Variants in MYT1L observed in about 807,000 individuals in gnomAD.
The protein encoded by MYT1L is myelin transcription factor 1 like.
A neutral mutation model predicts 126.7 loss-of-function variants in MYT1L; 12 were observed. The ratio of observed to expected loss-of-function variants is 0.09; its 90% CI spans 0.06 to 0.15. MYT1L has a LOEUF of 0.15. Among genes scored for constraint, MYT1L ranks in the 10% least tolerant of loss-of-function variants. The pLI, the probability that MYT1L is intolerant of heterozygous loss-of-function variation, is 1.00. For synonymous variants in MYT1L, 541 were observed against 604.2 expected (o/e 0.90, Z 1.53); for missense variants, 979 against 1,585.2 (o/e 0.62, Z 6.49).
chr2:2,079,307 A>G (rs977632112), intron 3 of MYT1L, among the ~76,000 whole-genome samples: 1 of 152,244 alleles, frequency 6.6e-6, no homozygotes, highest in Non-Finnish European at 1.5e-5. Context: ...CAAGACATGT[A>G]TACTAAAAGC....
chr2:2,222,064 AT>A (rs958743948), intron 2 of MYT1L, among the ~76,000 whole-genome samples: 1 of 152,142 alleles, frequency 6.6e-6, no homozygotes. Flanking sequence ...TGGTAAATCC[AT>A]TTTTCTACAC....
intron 18 of MYT1L, among the ~76,000 whole-genome samples, chr2:1,854,106 C>T (rs2043615786): frequency 6.6e-6 from 1 of 151,818 alleles, no homozygotes; most frequent in Admixed American, 6.6e-5. Context: ...CCAAAGAACA[C>T]TGGATTAATA....
chr2:2,293,948 G>T (rs2095636069), intron 1 of MYT1L, among the ~76,000 whole-genome samples: 1 of 152,208 alleles, frequency 6.6e-6, no homozygotes, highest in Non-Finnish European at 1.5e-5. Context: ...GCCATGGGAA[G>T]GCAACGGCCA....
At chr2:2,277,475 G>C (rs1438338186) in intron 2 of MYT1L, among the ~76,000 whole-genome samples, 2 of 152,328 alleles carry the variant, frequency 1.3e-5, no homozygotes, top group Middle Eastern at 3.4e-3. Context: ...CTGCACACAG[G>C]TGCATCATGG....
chr2:2,130,309 A>G (rs555946271), intron 3 of MYT1L, among the ~76,000 whole-genome samples: 12 of 152,088 alleles, frequency 7.9e-5, no homozygotes, highest in African/African-American at 2.9e-4. Flanking sequence ...AACTCCAAAG[A>G]TTGATCACAT....
intron 3 of MYT1L, among the ~76,000 whole-genome samples, chr2:2,145,792 T>C (rs2084795121): frequency 1.3e-5 from 2 of 152,162 alleles, no homozygotes; most frequent in African/African-American, 2.4e-5. Flanking sequence ...TTTTGACAAA[T>C]ATATGTTAAT....
At chr2:2,132,095 A>C (rs2082441225) in intron 3 of MYT1L, among the ~76,000 whole-genome samples, 1 of 151,356 alleles carries the variant, frequency 6.6e-6, no homozygotes, top group Non-Finnish European at 1.5e-5. Context: ...TCTAGTAGAG[A>C]TGGGGGTTTC....
chr2:2,160,088 TGGA>T (rs1361434761), intron 3 of MYT1L, among the ~76,000 whole-genome samples: 1 of 152,100 alleles, frequency 6.6e-6, no homozygotes, highest in Non-Finnish European at 1.5e-5. Flanking sequence ...TCATGGGGTG[TGGA>T]GAAGTTTAAC....
intron 9 of MYT1L, among the ~76,000 whole-genome samples, chr2:1,934,515 T>C (rs1390876916): frequency 1.3e-5 from 2 of 151,874 alleles, no homozygotes; most frequent in Non-Finnish European, 2.9e-5. Context: ...TTTTATTTGA[T>C]GACATTTTAG....
intron 18 of MYT1L, among the ~76,000 whole-genome samples, chr2:1,881,654 C>T (rs900198997): frequency 5.9e-5 from 9 of 152,012 alleles, no homozygotes; most frequent in Non-Finnish European, 5.9e-5. Flanking sequence ...GAGGAGTGGG[C>T]GTGTCAGCTT....
Position 2,228,926 on chromosome 2 carries a change from C to T in MYT1L, c.-421+55478G>A, listed in dbSNP as rs1427793077. Reference sequence around the variant, plus strand: ...AAGGGCAAGTTAATAAGAAGAAACACAAGCAGTAGAGAAGGATATGAAGTG... The same window carrying T: ...AAGGGCAAGTTAATAAGAAGAAACATAAGCAGTAGAGAAGGATATGAAGTG... On this transcript the variant is annotated intron_variant, in intron 2 of 24. Transcript: ENST00000647738. The surrounding 1 kb of genome is among the most constrained non-coding windows in gnomAD (Gnocchi z 5.9). Among the ~76,000 whole-genome samples the T allele has an allele frequency of 6.6e-6, 1 of 152,180 alleles. No homozygotes were observed. Among genetic ancestry groups the T allele is most frequent in the South Asian group, 2.1e-4 (1 of 4,818 alleles).
chr2:2,249,386 A>G (rs2094593554), intron 2 of MYT1L, among the ~76,000 whole-genome samples: 2 of 152,102 alleles, frequency 1.3e-5, no homozygotes, highest in African/African-American at 2.4e-5. Context: ...ACAAAAAAAT[A>G]AAAAGACATT....
intron 18 of MYT1L, among the ~76,000 whole-genome samples, chr2:1,878,787 A>T (rs1468879032): frequency 6.6e-6 from 1 of 152,162 alleles, no homozygotes; most frequent in African/African-American, 2.4e-5. Flanking sequence ...TAAAAACATC[A>T]GGTAAGTGTG....
At chr2:1,803,333 T>C (rs1308221427) in intron 22 of MYT1L, among the ~76,000 whole-genome samples, 1 of 152,218 alleles carries the variant, frequency 6.6e-6, no homozygotes, top group African/African-American at 2.4e-5. Context: ...ACACTGGACG[T>C]GGTGAAGCTT....
At chr2:2,040,633 T>TA (rs1281214819) in intron 4 of MYT1L, among the ~76,000 whole-genome samples, 1 of 152,196 alleles carries the variant, frequency 6.6e-6, no homozygotes, top group Non-Finnish European at 1.5e-5. Flanking sequence ...CCCTTATAAT[T>TA]AGACACTTGG....
chr2:2,002,915 C>T (rs11695684), intron 4 of MYT1L, among the ~76,000 whole-genome samples: 67,147 of 151,944 alleles, frequency 0.44, 16,917 homozygotes, highest in African/African-American at 0.71. Flanking sequence ...GTGCCTTGCT[C>T]CTTCTTTACC....
intron 8 of MYT1L, among the ~76,000 whole-genome samples, chr2:1,962,959 A>G (rs1478953351): frequency 6.6e-6 from 1 of 152,250 alleles, no homozygotes; most frequent in South Asian, 2.1e-4. Context: ...TCACGAATGT[A>G]CTTAATGGCA....
chr2:2,036,558 C>T (rs561689325), intron 4 of MYT1L, among the ~76,000 whole-genome samples: 1 of 152,346 alleles, frequency 6.6e-6, no homozygotes, highest in Non-Finnish European at 1.5e-5. Flanking sequence ...ATCCACACAG[C>T]TCCTCATGGC....
At chr2:2,297,559 C>G (rs1316582756) in intron 1 of MYT1L, among the ~76,000 whole-genome samples, 1 of 152,194 alleles carries the variant, frequency 6.6e-6, no homozygotes, top group Non-Finnish European at 1.5e-5. Flanking sequence ...CCCCCAGAGA[C>G]AGATTTTAAG....
Sources: allele counts gnomAD v4.1 joint callset (sites outside exome capture counted in the v4.1 genomes callset), GRCh38; gene constraint gnomAD v4.1.1; non-coding constraint Gnocchi (gnomAD v3.1); transcripts MANE v1.5; gene names NCBI Gene and HGNC (gene_info 2026-07-23, HGNC 2026-07-21).